Variants in SBF1 observed in about 807,000 individuals in gnomAD.
SBF1 encodes the protein myotubularin-related protein 5.
SBF1 carries 65 observed loss-of-function variants against 215.8 expected under a neutral mutation model. The observed-to-expected ratio is 0.30, with a 90% CI of 0.25 to 0.37. SBF1 has a LOEUF of 0.37. Ranked by LOEUF, SBF1 falls within the 10% of genes least tolerant of loss-of-function variation. The pLI is 1.00. For missense variants in SBF1, 2,634 were observed against 2,667.8 expected, an observed-to-expected ratio of 0.99 and a Z score of 0.28; for synonymous variants, 1,410 against 1,122.8, an observed-to-expected ratio of 1.26 and a Z score of -5.11.
intron 28 of SBF1, among the ~76,000 whole-genome samples, chr22:50,458,893 G>A (rs78192984): frequency 1.4e-3 from 220 of 152,336 alleles, no homozygotes; most frequent in Middle Eastern, 0.01. Flanking sequence ...ACACTGGGAG[G>A]GAACAGGACA....
chr22:50,455,037 CAG>C lies in SBF1; in HGVS notation c.4658_4659del (p.Ser1553Ter). ...ATACCCAGCTCAATGCGCTCATAGT[CAG>C]AGTCGAGCAGGAAGGTCCGGAAACG... The part of the protein sequence containing the change: ...SRRFRTFLLD[S>X]DYERIELGLL... On this transcript the variant is annotated frameshift_variant, in exon 34 of 41. Transcript: ENST00000380817. LOFTEE classifies it high-confidence loss of function. 6.2e-7 allele frequency: 1 copy of C among 1,614,116 alleles called. No individual in the cohort carries two copies. The highest frequency in any genetic ancestry group is 8.5e-7 in the Non-Finnish European group (1 of 1,180,026).
chr22:50,472,394 C>G (rs1225361705), intron 1 of SBF1, among the ~76,000 whole-genome samples: 2 of 152,184 alleles, frequency 1.3e-5, no homozygotes, highest in Non-Finnish European at 2.9e-5. Context: ...AATCCCCAAC[C>G]CAAGAGACCC....
At position 50,466,025 on chromosome 22, in the gene SBF1, T is replaced by C. The variant is rs1366206765; in HGVS notation, c.947A>G (p.Glu316Gly). Residue 316 changes from glutamate (E) to glycine (G), a missense_variant, in exon 9 of 41, where the codon GAG becomes GGG. Physicochemically the swap from Glu to Gly is moderately conservative, Grantham distance 98. Coordinates refer to ENST00000380817, the MANE Select transcript of SBF1 (RefSeq NM_002972.4). ...TGGCAAGGGTGGAATGTGCACACAC[T>C]CAGGAATGGTGACCGTCCCTCCATC... Reference protein sequence around the residue: ...DLDGGTVTIPECVHIPPLPEP... With the variant: ...DLDGGTVTIPGCVHIPPLPEP... The C allele has an allele frequency of 1.2e-6, 2 of 1,613,884 alleles. No individual in the cohort carries two copies. Among genetic ancestry groups the C allele is most frequent in the Non-Finnish European group, 1.7e-6 (2 of 1,180,028 alleles).
chr22:50,464,053 G>A (rs1290801301), intron 15 of SBF1, among the ~76,000 whole-genome samples: 1 of 152,214 alleles, frequency 6.6e-6, no homozygotes, highest in East Asian at 1.9e-4. Flanking sequence ...TAAGGGGAAG[G>A]ACACAGACGA....
At position 50,454,821 on chromosome 22, in the gene SBF1, T is replaced by C. The variant is rs748652137; in HGVS notation, c.4805A>G (p.Asp1602Gly). The C allele has an allele frequency of 2.5e-6, 4 of 1,613,792 alleles. No homozygotes were observed. In the African/African-American group the frequency reaches 5.3e-5, roughly 22 times the overall value. Residue 1602 changes from aspartate (D) to glycine (G), a missense_variant, in exon 35 of 41, where the codon GAC becomes GGC. Asp to Gly is a moderately conservative substitution (Grantham distance 94). Transcript: ENST00000380817. ...ACCCAGGCCCCAGCTTACCTCTGCG[T>C]CCTCGGGCGCATACATGTAATTGTG... ...VFHNYMYAPE[D>G]AEVLRPYSNV... is the part of the protein sequence containing the mutation.
At chr22:50,467,952 T>A in intron 2 of SBF1, 29 bp from the exon 3 acceptor site, 1 of 1,610,198 alleles carries the variant, frequency 6.2e-7, no homozygotes, top group Non-Finnish European at 8.5e-7. Context: ...AGTCAGCTCC[T>A]CCCCCTACAC....
chr22:50,465,879 C>A (rs1469939621), intron 9 of SBF1, 39 bp from the exon 10 acceptor site: 1 of 1,612,280 alleles, frequency 6.2e-7, no homozygotes, highest in East Asian at 2.2e-5. Context: ...GCACGCTGGC[C>A]CCGGCTCTAG....
chr22:50,461,335 G>T (rs749465705), intron 22 of SBF1, 49 bp from the exon 23 acceptor site: 45 of 1,563,844 alleles, frequency 2.9e-5, no homozygotes, highest in Non-Finnish European at 3.1e-5. Context: ...AAGGGGGGGG[G>T]GGTCCCAGAA....
intron 29 of SBF1, 27 bp from the exon 30 acceptor site, chr22:50,456,700 C>T: frequency 6.9e-7 from 1 of 1,448,652 alleles, no homozygotes; most frequent in Non-Finnish European, 9.1e-7. Flanking sequence ...AGGTAAGCAC[C>T]CAAAGGGGGC....
chr22:50,462,507 C>T (rs760701382), intron 18 of SBF1, 34 bp from the exon 19 acceptor site: 10 of 1,611,462 alleles, frequency 6.2e-6, no homozygotes, highest in East Asian at 4.5e-5. Flanking sequence ...GCCGGGGCCA[C>T]GCTGCCCCAG....
intron 10 of SBF1, 77 bp from the exon 11 acceptor site, chr22:50,465,405 C>T: frequency 2.5e-6 from 3 of 1,217,718 alleles, no homozygotes; most frequent in Non-Finnish European, 3.5e-6. Flanking sequence ...CTTCTCCACA[C>T]CCCAACCCAC....
chr22:50,462,915 A>T lies in SBF1; in HGVS notation c.1923T>A (p.His641Gln). 1 of 1,613,240 alleles carries T rather than the reference A, an allele frequency of 6.2e-7. No homozygotes were observed. Among genetic ancestry groups the T allele is most frequent in the Non-Finnish European group, 8.5e-7 (1 of 1,179,900 alleles). ...GAGGCAGCAGAGCCGCCGCAATGCC[A>T]TGCTCGTCCAGAGAAGTGCAGTCCT... ...CLQDCTSLDE[H>Q]GIAAALLPLV... Residue 641 changes from histidine (H) to glutamine (Q), a missense_variant, in exon 17 of 41, where the codon CAT becomes CAA. His to Gln is a conservative substitution (Grantham distance 24, BLOSUM62 0). Coordinates refer to ENST00000380817, the MANE Select transcript of SBF1 (RefSeq NM_002972.4).
At chr22:50,448,701 G>C in intron 36 of SBF1, 51 bp from the exon 37 acceptor site, 1 of 1,445,414 alleles carries the variant, frequency 6.9e-7, no homozygotes, top group Non-Finnish European at 9.6e-7. Context: ...ATCCAGACTA[G>C]AGCACGAAAA....
chr22:50,456,094 G>A (rs1045498518), intron 31 of SBF1, 122 bp downstream of exon 31: 4 of 1,093,082 alleles, frequency 3.7e-6, no homozygotes, highest in African/African-American at 1.6e-5. Flanking sequence ...GGAAGTGGCT[G>A]TCACCTCCTC....
At chr22:50,452,118 G>A (rs1230461540) in intron 36 of SBF1, among the ~76,000 whole-genome samples, 4 of 143,120 alleles carry the variant, frequency 2.8e-5, no homozygotes, top group African/African-American at 1.0e-4. Context: ...CTTTTAAAGT[G>A]ACATCAGTTT....
rs6010041 is a variant in SBF1, at chr22:50,448,128, A to G, written c.5363+105T>C. 0.87 allele frequency: 941,037 copies of G among 1,077,022 alleles called. 412,442 individuals carry two copies. The highest frequency in any genetic ancestry group is 1 in the East Asian group (41,278 of 41,296). The allele number at this position is 1,077,022 out of a possible 1,614,324, so 66.7% of individuals were successfully genotyped here. A position where few individuals can be genotyped will look rare whatever the true frequency, so the allele number is the denominator to read the frequency against. ...CCCTCCCAGTGGTGGTGTATACTTA[A>G]GCAAGCTCCTCAAAAGCACCCGCAA... On this transcript the variant is annotated intron_variant, in intron 38 of 40. Coordinates refer to ENST00000380817, the MANE Select transcript of SBF1 (RefSeq NM_002972.4).
chr22:50,455,523 G>C lies in SBF1; in HGVS notation c.4326C>G (p.Ser1442=), dbSNP rs545508594. ...LVVELLDSGS[S]VLVGLEDGWD... ...AGCCATCCTCCAGGCCCACCAGCAC[G>C]GAGGAGCCTGAATCCAGGAGCTCCA... The change falls in exon 32 of 41, where the codon TCC becomes TCG. Residue 1442 remains serine, a synonymous_variant. Transcript: ENST00000380817. 6.2e-7 allele frequency: 1 copy of C among 1,602,468 alleles called. No individual in the cohort carries two copies. Among genetic ancestry groups the C allele is most frequent in the African/African-American group, 1.3e-5 (1 of 74,696 alleles).
At chr22:50,457,886 G>A (rs1442529825) in intron 28 of SBF1, among the ~76,000 whole-genome samples, 2 of 152,230 alleles carry the variant, frequency 1.3e-5, no homozygotes, top group East Asian at 1.9e-4. Context: ...CAAGCACAAT[G>A]CCAGCCCAAC....
chr22:50,474,681 A>G (rs1461007888), intron 1 of SBF1, 105 bp downstream of exon 1: 1 of 458,056 alleles, frequency 2.2e-6, no homozygotes, highest in Non-Finnish European at 3.0e-6. Context: ...CCCAGCCCCC[A>G]GCCCTCGGCC....
Sources: gnomAD v4.1 joint callset for allele counts (sites outside exome capture counted in the v4.1 genomes callset) on GRCh38, gnomAD v4.1.1 for gene constraint, MANE v1.5 for transcripts, NCBI Gene and HGNC (gene_info 2026-07-23, HGNC 2026-07-21) for gene names.